The following KALRN variants were observed in gnomAD, a reference collection of about 807,000 sequenced individuals.
KALRN encodes the protein kalirin.
Under a neutral mutation model 353.7 loss-of-function variants are expected in KALRN, and 70 were observed. The observed-to-expected ratio is 0.20, with a 90% CI of 0.16 to 0.24. The LOEUF is 0.24. Ranked by LOEUF, KALRN falls within the 10% of genes least tolerant of loss-of-function variation. The pLI is 1.00. For missense variants in KALRN, 2,791 were observed against 3,756.7 expected (o/e 0.74, Z 6.72); for synonymous variants, 1,391 against 1,434.8 (o/e 0.97, Z 0.69).
At chr3:124,179,075 C>T (rs1399632604) in intron 1 of KALRN, among the ~76,000 whole-genome samples, 2 of 152,034 alleles carry the variant, frequency 1.3e-5, no homozygotes, top group Non-Finnish European at 1.5e-5. Context: ...CTATGGCATT[C>T]CAGCCTGCTG....
At chr3:124,452,250 T>G (rs1277092785) in intron 21 of KALRN, among the ~76,000 whole-genome samples, 1 of 152,230 alleles carries the variant, frequency 6.6e-6, no homozygotes, top group Non-Finnish European at 1.5e-5. Flanking sequence ...TATCATCTAC[T>G]TCTTCCCAAT....
intron 1 of KALRN, among the ~76,000 whole-genome samples, chr3:124,125,264 A>G (rs1352370014): frequency 3.9e-5 from 6 of 152,260 alleles, no homozygotes; most frequent in Admixed American, 2.0e-4. Flanking sequence ...CAAAAAGGTG[A>G]AGAGATTTGC....
chr3:124,527,514 C>T (rs1183038526), intron 33 of KALRN, among the ~76,000 whole-genome samples: 2 of 151,646 alleles, frequency 1.3e-5, no homozygotes, highest in African/African-American at 4.8e-5. Flanking sequence ...GAGGCTGAGG[C>T]AGGAGAATCG....
At chr3:124,275,571 G>A (rs2074622908) in intron 5 of KALRN, among the ~76,000 whole-genome samples, 1 of 152,216 alleles carries the variant, frequency 6.6e-6, no homozygotes, top group East Asian at 1.9e-4. Flanking sequence ...GGTTATGTAT[G>A]TAGCAGTGCC....
intron 1 of KALRN, among the ~76,000 whole-genome samples, chr3:124,176,476 C>T (rs567496300): frequency 3.9e-5 from 6 of 152,236 alleles, no homozygotes; most frequent in African/African-American, 1.2e-4. Context: ...GGGATTTTGA[C>T]ACTTTGGGAT....
chr3:124,438,875 C>A lies in KALRN; in HGVS notation c.3049-13C>A. 1 of 1,599,362 alleles carries A rather than the reference C, an allele frequency of 6.3e-7. No homozygotes were observed. Among genetic ancestry groups the A allele is most frequent in the South Asian group, 1.1e-5 (1 of 89,662 alleles). On this transcript the variant is annotated splice_polypyrimidine_tract_variant and intron_variant, in intron 17 of 59. Coordinates refer to ENST00000682506, the MANE Select transcript of KALRN (RefSeq NM_001388419.1). ...AATTAATTTACTGAGTCTTTTCTTC[C>A]ATGATTCACTAGGTGTGTAGTGTCC...
At chr3:124,466,808 C>G (rs1431729073) in intron 25 of KALRN, among the ~76,000 whole-genome samples, 2 of 152,142 alleles carry the variant, frequency 1.3e-5, no homozygotes, top group African/African-American at 4.8e-5. Context: ...CACTCTCTCC[C>G]CTTCTCTCAC....
chr3:124,515,692 A>C (rs1385976538), intron 33 of KALRN, among the ~76,000 whole-genome samples: 1 of 152,242 alleles, frequency 6.6e-6, no homozygotes, highest in East Asian at 1.9e-4. Flanking sequence ...TTCTCAAAGA[A>C]GAGAAATTAC....
At chr3:124,513,677 G>A (rs1207294954) in intron 33 of KALRN, among the ~76,000 whole-genome samples, 2 of 152,176 alleles carry the variant, frequency 1.3e-5, no homozygotes, top group Non-Finnish European at 2.9e-5. Context: ...ACACTGCCTA[G>A]GTTCAGAGTT....
intron 1 of KALRN, among the ~76,000 whole-genome samples, chr3:124,198,189 G>C (rs2075623741): frequency 2.0e-5 from 3 of 152,188 alleles, no homozygotes; most frequent in Admixed American, 6.5e-5. Context: ...CTTACTCCTA[G>C]AGGTCATCTA....
chr3:124,219,937 GT>G (rs373536798), intron 1 of KALRN, among the ~76,000 whole-genome samples: 10 of 146,944 alleles, frequency 6.8e-5, no homozygotes, highest in Non-Finnish European at 1.4e-4. Context: ...TTGGTGGTAG[GT>G]TTTTTTTTTG....
At chr3:124,036,618 A>C (rs773589083) in intron 1 of KALRN, among the ~76,000 whole-genome samples, 5 of 152,118 alleles carry the variant, frequency 3.3e-5, no homozygotes, top group Admixed American at 6.6e-5. Flanking sequence ...GGAATATAGC[A>C]CTATACCTGA....
chr3:124,054,372 A>AAAATAAAAAT, intron 1 of KALRN, among the ~76,000 whole-genome samples: 1 of 151,530 alleles, frequency 6.6e-6, no homozygotes. Flanking sequence ...AATAAAAATA[A>AAAATAAAAAT]AAATAAAAAT....
chr3:124,300,524 A>G (rs1421764999), intron 6 of KALRN, among the ~76,000 whole-genome samples: 1 of 152,010 alleles, frequency 6.6e-6, no homozygotes, highest in Non-Finnish European at 1.5e-5. Flanking sequence ...TGCTGGACAC[A>G]TGCTGGCTCT....
At chr3:124,683,155 C>A (rs915143075) in intron 51 of KALRN, among the ~76,000 whole-genome samples, 2 of 152,098 alleles carry the variant, frequency 1.3e-5, no homozygotes, top group African/African-American at 2.4e-5. Flanking sequence ...AGCTGAAAAC[C>A]AAACACAAGG....
chr3:124,112,291 A>T (rs1247423262), intron 1 of KALRN, among the ~76,000 whole-genome samples: 3 of 134,708 alleles, frequency 2.2e-5, no homozygotes, highest in Admixed American at 8.0e-5. Flanking sequence ...CTACAGAGTG[A>T]GACTCCATCT....
chr3:124,084,893 G>A (rs1305287473), intron 1 of KALRN, among the ~76,000 whole-genome samples: 2 of 152,198 alleles, frequency 1.3e-5, no homozygotes, highest in Admixed American at 6.5e-5. Flanking sequence ...CAGATGTTCA[G>A]AGTCTTCCAT....
rs1387554504 is a variant in KALRN, at chr3:124,594,859, T to C, written c.5182+31770T>C. 2.6e-5 allele frequency among the ~76,000 whole-genome samples: 4 copies of C among 152,162 alleles called. No homozygotes were observed. In the East Asian group the frequency reaches 7.7e-4, roughly 29 times the overall value. On this transcript the variant is annotated intron_variant, in intron 34 of 59. Transcript: ENST00000682506. Reference sequence around the variant, plus strand: ...CCCTCTTTTTCTTAGTTATGAGGTATTGGGAATCTTCTCACCCTGGGGCCT... The same window carrying C: ...CCCTCTTTTTCTTAGTTATGAGGTACTGGGAATCTTCTCACCCTGGGGCCT...
chr3:124,227,090 C>T (rs1167544490), intron 1 of KALRN, among the ~76,000 whole-genome samples: 1 of 152,138 alleles, frequency 6.6e-6, no homozygotes, highest in Non-Finnish European at 1.5e-5. Flanking sequence ...AAGCTGGGTC[C>T]TGACTTCCCA....
Sources: gnomAD v4.1 joint callset for allele counts (sites outside exome capture counted in the v4.1 genomes callset) on GRCh38, gnomAD v4.1.1 for gene constraint, MANE v1.5 for transcripts, NCBI Gene and HGNC (gene_info 2026-07-23, HGNC 2026-07-21) for gene names.